The following SLC39A11 variants were observed in gnomAD, a reference collection of about 807,000 sequenced individuals.
SLC39A11 encodes solute carrier family 39 member 11.
SLC39A11 carries 33 observed loss-of-function variants against 36.1 expected under a neutral mutation model. That is an observed-to-expected ratio of 0.91 (90% CI 0.69 to 1.22). The LOEUF (loss-of-function observed/expected upper bound fraction) is 1.22. Among genes scored for constraint, SLC39A11 ranks in the 50% most tolerant of loss-of-function variants. The pLI is 0.00. For synonymous variants in SLC39A11, 166 were observed against 170.3 expected, an observed-to-expected ratio of 0.97 and a Z score of 0.20; for missense variants, 432 against 430.3, an observed-to-expected ratio of 1.00 and a Z score of -0.03.
chr17:72,883,478 C>T (rs555763218), intron 5 of SLC39A11, among the ~76,000 whole-genome samples: 4 of 152,216 alleles, frequency 2.6e-5, no homozygotes, highest in South Asian at 2.1e-4. Context: ...GCTCAAGCAT[C>T]GCCAGTACTG....
intron 7 of SLC39A11, among the ~76,000 whole-genome samples, chr17:72,656,095 C>T (rs533321201): frequency 1.2e-3 from 187 of 152,214 alleles, no homozygotes; most frequent in African/African-American, 4.4e-3. Flanking sequence ...CCCTCCTTTA[C>T]GCTCTGGGAA....
intron 7 of SLC39A11, among the ~76,000 whole-genome samples, chr17:72,677,129 T>A (rs1598314069): frequency 6.6e-6 from 1 of 152,058 alleles, no homozygotes; most frequent in Non-Finnish European, 1.5e-5. Context: ...TGGCTGAGGG[T>A]GGTGTCAGGT....
At chr17:72,882,228 C>A (rs1033903912) in intron 5 of SLC39A11, among the ~76,000 whole-genome samples, 1 of 152,032 alleles carries the variant, frequency 6.6e-6, no homozygotes. Flanking sequence ...TGGTGGTGCA[C>A]GTCTGTAGTC....
chr17:72,754,020 G>GTGTGTATATATATA (rs1436363238), intron 6 of SLC39A11, among the ~76,000 whole-genome samples: 1 of 108,352 alleles, frequency 9.2e-6, no homozygotes, highest in African/African-American at 3.8e-5. Flanking sequence ...ATGTATATAT[G>GTGTGTATATATATA]TATATATATA....
chr17:73,088,292 T>TC (rs34166966), intron 2 of SLC39A11, among the ~76,000 whole-genome samples: 45,368 of 138,150 alleles, frequency 0.33, 7,381 homozygotes, highest in South Asian at 0.39. Context: ...AGATTCTGTC[T>TC]CAAAAAAAAA....
chr17:72,954,709 T>C (rs1484166472), intron 4 of SLC39A11, among the ~76,000 whole-genome samples: 1 of 150,848 alleles, frequency 6.6e-6, no homozygotes, highest in Non-Finnish European at 1.5e-5. Flanking sequence ...ATGTCGCCCC[T>C]GATCAACAGT....
At chr17:73,053,524 A>G (rs2059575972) in intron 3 of SLC39A11, among the ~76,000 whole-genome samples, 1 of 152,194 alleles carries the variant, frequency 6.6e-6, no homozygotes, top group Non-Finnish European at 1.5e-5. Flanking sequence ...TGCTTGAAAT[A>G]TACTTACTCA....
At chr17:72,997,238 C>G (rs2089573124) in intron 4 of SLC39A11, among the ~76,000 whole-genome samples, 1 of 152,154 alleles carries the variant, frequency 6.6e-6, no homozygotes, top group Non-Finnish European at 1.5e-5. Context: ...GCTGCAAGGT[C>G]TCTTTAACGT....
At chr17:72,919,749 C>A (rs1192240492) in intron 5 of SLC39A11, among the ~76,000 whole-genome samples, 1 of 151,626 alleles carries the variant, frequency 6.6e-6, no homozygotes, top group Non-Finnish European at 1.5e-5. Context: ...GATGACCCCG[C>A]GTGGGGTGGA....
intron 4 of SLC39A11, chr17:72,992,927 A>C (rs1330571523): frequency 6.6e-6 from 1 of 152,270 alleles, no homozygotes; most frequent in African/African-American, 2.4e-5. Flanking sequence ...CAGTCATGGC[A>C]GAAAGCGAAA....
chr17:72,873,078 A>G (rs1049189464), intron 5 of SLC39A11, among the ~76,000 whole-genome samples: 2 of 151,878 alleles, frequency 1.3e-5, no homozygotes, highest in African/African-American at 4.8e-5. Context: ...AAGAAAAAAA[A>G]AAAGAATTAT....
intron 7 of SLC39A11, among the ~76,000 whole-genome samples, chr17:72,721,624 T>C (rs2073683528): frequency 6.6e-6 from 1 of 152,094 alleles, no homozygotes; most frequent in Non-Finnish European, 1.5e-5. Flanking sequence ...GATGTGGCCC[T>C]GAGAAAGGCC....
chr17:72,762,809 A>C lies in SLC39A11; in HGVS notation c.602-26090T>G, dbSNP rs190789742. Among the ~76,000 whole-genome samples, 22 of 151,240 alleles carry C rather than the reference A, an allele frequency of 1.5e-4. No homozygotes were observed. The East Asian group carries it at 3.9e-3, about 27-fold the overall frequency. On this transcript the variant is annotated intron_variant, in intron 6 of 9. Coordinates refer to ENST00000255559, the MANE Select transcript of SLC39A11 (RefSeq NM_139177.4). Reference sequence around the variant, plus strand: ...CCCATTCGATTCCTACTCAAACAGAACTCTTTCTCAGCTCCAGGCAGACAA... The same window carrying C: ...CCCATTCGATTCCTACTCAAACAGACCTCTTTCTCAGCTCCAGGCAGACAA...
chr17:72,745,671 C>T (rs1433184443), intron 6 of SLC39A11, among the ~76,000 whole-genome samples: 1 of 152,222 alleles, frequency 6.6e-6, no homozygotes, highest in Non-Finnish European at 1.5e-5. Context: ...CTAAATCTCT[C>T]TGTTCCACGC....
rs112710441 is a variant in SLC39A11 at position 72,914,009 on chromosome 17, G to GAAA, written c.430+33740_430+33742dup. ...AACCTACCATGAATTTAAAATAATT[G>GAAA]AAAGAAAAAAAAAGGCTGGGTGTGG... On this transcript the variant is annotated intron_variant, in intron 5 of 9. Transcript: ENST00000255559. 1.4e-3 allele frequency among the ~76,000 whole-genome samples: 211 copies of GAAA among 147,344 alleles called. 2 individuals carry two copies. Among genetic ancestry groups the GAAA allele is most frequent in the Middle Eastern group, 3.5e-3 (1 of 284 alleles).
chr17:73,072,042 A>G (rs2060177280), intron 3 of SLC39A11, among the ~76,000 whole-genome samples: 2 of 152,196 alleles, frequency 1.3e-5, no homozygotes, highest in South Asian at 4.1e-4. Context: ...ACCTTTTCCT[A>G]TAGAGCAACT....
intron 6 of SLC39A11, among the ~76,000 whole-genome samples, chr17:72,843,450 G>T (rs186668767): frequency 7.2e-5 from 11 of 152,246 alleles, no homozygotes; most frequent in African/African-American, 2.6e-4. Flanking sequence ...AGGAGGTGGG[G>T]ACTTGGGGAA....
chr17:72,734,821 C>G (rs966795007), intron 7 of SLC39A11, among the ~76,000 whole-genome samples: 3 of 152,136 alleles, frequency 2.0e-5, no homozygotes, highest in Non-Finnish European at 4.4e-5. Context: ...TTCCTGCGCT[C>G]TGGGAGGACT....
At chr17:73,077,923 G>C (rs1451573525) in intron 3 of SLC39A11, among the ~76,000 whole-genome samples, 1 of 152,030 alleles carries the variant, frequency 6.6e-6, no homozygotes, top group Non-Finnish European at 1.5e-5. Flanking sequence ...TTTGCTATGT[G>C]AATCTTACAA....
Sources: gnomAD v4.1 joint callset for allele counts (sites outside exome capture counted in the v4.1 genomes callset) on GRCh38, gnomAD v4.1.1 for gene constraint, MANE v1.5 for transcripts, NCBI Gene and HGNC (gene_info 2026-07-23, HGNC 2026-07-21) for gene names.